KIF26B: variants seen among roughly 807,000 people sequenced by gnomAD.
KIF26B encodes kinesin family member 26B, also known as kinesin-like protein KIF26B.
In KIF26B, 63 loss-of-function variants were observed where a neutral mutation model predicts 151.2. That is an observed-to-expected ratio of 0.42 (90% CI 0.34 to 0.51). The LOEUF is 0.51. Ranked by LOEUF, KIF26B falls within the 20% of genes least tolerant of loss-of-function variation. The pLI, the probability that KIF26B is intolerant of heterozygous loss-of-function variation, is 0.07. For missense variants in KIF26B, 2,813 were observed against 2,913.6 expected (o/e 0.97, Z 0.79); for synonymous variants, 1,357 against 1,262.1 (o/e 1.08, Z -1.59).
At chr1:245,380,571 T>C (rs1673383090) in intron 3 of KIF26B, among the ~76,000 whole-genome samples, 1 of 152,246 alleles carries the variant, frequency 6.6e-6, no homozygotes, top group African/African-American at 2.4e-5. Context: ...CCCTCAAGAA[T>C]TACAAATGAC....
intron 3 of KIF26B, among the ~76,000 whole-genome samples, chr1:245,397,318 C>G (rs1673872420): frequency 6.6e-6 from 1 of 151,984 alleles, no homozygotes; most frequent in South Asian, 2.1e-4. Flanking sequence ...TGGGTTCAAG[C>G]AATTCTCCTG....
chr1:245,310,068 A>T (rs1021362838), intron 2 of KIF26B, among the ~76,000 whole-genome samples: 1 of 147,754 alleles, frequency 6.8e-6, no homozygotes, highest in African/African-American at 2.5e-5. Context: ...TATATATTAT[A>T]TATAATATTT....
rs1297922440 is a variant in KIF26B at position 245,597,919 on chromosome 1, T to C, written c.1351-4658T>C. Among the ~76,000 whole-genome samples, 1 of 152,106 alleles carries C rather than the reference T, an allele frequency of 6.6e-6. No individual in the cohort carries two copies. Among genetic ancestry groups the C allele is most frequent in the African/African-American group, 2.4e-5 (1 of 41,444 alleles). ...GCTATCCTTTCTTCCGCTTGATCGA[T>C]TCAGCTATTGATACTGTGTGTGCTT... is the stretch of plus-strand genomic sequence containing the variant. On this transcript the variant is annotated intron_variant, in intron 5 of 14. Transcript: ENST00000407071. The surrounding 1 kb of genome is among the most constrained non-coding windows in gnomAD (Gnocchi z 4.6).
At chr1:245,301,234 A>G (rs962814988) in intron 2 of KIF26B, among the ~76,000 whole-genome samples, 13 of 152,188 alleles carry the variant, frequency 8.5e-5, no homozygotes, top group African/African-American at 3.1e-4. Flanking sequence ...TGCCGCATGC[A>G]GGAGTGGAGG....
At chr1:245,340,510 T>C (rs1184364184) in intron 2 of KIF26B, among the ~76,000 whole-genome samples, 1 of 152,140 alleles carries the variant, frequency 6.6e-6, no homozygotes, top group Non-Finnish European at 1.5e-5. Context: ...CTAGCCTTGC[T>C]TTTCTGCAGC....
At chr1:245,196,957 C>CGGTGTTT (rs1040354101) in intron 2 of KIF26B, among the ~76,000 whole-genome samples, 1 of 152,134 alleles carries the variant, frequency 6.6e-6, no homozygotes, top group Non-Finnish European at 1.5e-5. Context: ...ATAGCTCCTT[C>CGGTGTTT]GGTGTTTGGC....
intron 10 of KIF26B, among the ~76,000 whole-genome samples, chr1:245,659,652 G>A (rs1203940103): frequency 6.6e-6 from 1 of 152,084 alleles, no homozygotes; most frequent in East Asian, 1.9e-4. Context: ...TGCACCAGTA[G>A]GACAGAGGAA....
intron 3 of KIF26B, among the ~76,000 whole-genome samples, chr1:245,409,100 C>G (rs887007550): frequency 1.3e-5 from 2 of 152,156 alleles, no homozygotes; most frequent in Non-Finnish European, 2.9e-5. Context: ...AAAACACCCC[C>G]CAAAACATCA....
intron 4 of KIF26B, among the ~76,000 whole-genome samples, chr1:245,538,845 C>T (rs185144470): frequency 3.2e-4 from 49 of 152,110 alleles, no homozygotes; most frequent in Middle Eastern, 3.4e-3. Flanking sequence ...GAGGTGTGTG[C>T]GGGTGTTAGA....
At chr1:245,340,586 C>A (rs1315764894) in intron 2 of KIF26B, among the ~76,000 whole-genome samples, 1 of 152,156 alleles carries the variant, frequency 6.6e-6, no homozygotes, top group African/African-American at 2.4e-5. Context: ...TTCACTCATT[C>A]ATTTGTAGGC....
In KIF26B at chr1:245,675,307, T is replaced by C. The variant is rs552442110; in HGVS notation, c.2259-8926T>C. Among the ~76,000 whole-genome samples the C allele has an allele frequency of 5.3e-5, 8 of 152,350 alleles. No homozygotes were observed. In the East Asian group the frequency reaches 1.4e-3, roughly 26 times the overall value. ...TGATTGATTGATTTCCCATGTGGTCTAACTCAGTCTCCAGGTGGACTGGTA... is the reference window on the plus strand; with the variant it reads ...TGATTGATTGATTTCCCATGTGGTCCAACTCAGTCTCCAGGTGGACTGGTA... On this transcript the variant is annotated intron_variant, in intron 10 of 14. Transcript: ENST00000407071.
chr1:245,165,763 G>A (rs1668605470), intron 2 of KIF26B, among the ~76,000 whole-genome samples: 1 of 152,162 alleles, frequency 6.6e-6, no homozygotes, highest in African/African-American at 2.4e-5. Flanking sequence ...CAGGGCATAG[G>A]GGTGACAAAA....
intron 5 of KIF26B, among the ~76,000 whole-genome samples, chr1:245,581,926 GAGGAAGGA>G (rs141698408): frequency 7.9e-4 from 113 of 142,390 alleles, no homozygotes; most frequent in African/African-American, 2.5e-3. Context: ...AAGAGAGAAA[GAGGAAGGA>G]AGGAAGGAAG....
chr1:245,168,237 C>T (rs1307306244), intron 2 of KIF26B, among the ~76,000 whole-genome samples: 1 of 152,186 alleles, frequency 6.6e-6, no homozygotes, highest in African/African-American at 2.4e-5. Context: ...CTGTGGGCTG[C>T]CATGTTTGTG....
At chr1:245,287,472 T>G (rs1173979533) in intron 2 of KIF26B, among the ~76,000 whole-genome samples, 1 of 150,324 alleles carries the variant, frequency 6.7e-6, no homozygotes, top group East Asian at 2.0e-4. Flanking sequence ...GATCTGAGGG[T>G]CCCTGTGTGT....
intron 3 of KIF26B, among the ~76,000 whole-genome samples, chr1:245,374,328 G>A (rs1223530084): frequency 6.6e-6 from 1 of 151,034 alleles, no homozygotes; most frequent in African/African-American, 2.4e-5. Context: ...AAGTGCTGTT[G>A]TACTCAGAGG....
intron 4 of KIF26B, among the ~76,000 whole-genome samples, chr1:245,524,160 C>A (rs563515751): frequency 6.6e-6 from 1 of 152,238 alleles, no homozygotes; most frequent in African/African-American, 2.4e-5. Context: ...TTTATGGACG[C>A]TAAGGCAAAT....
At chr1:245,506,281 A>G (rs1460251297) in intron 4 of KIF26B, among the ~76,000 whole-genome samples, 1 of 152,306 alleles carries the variant, frequency 6.6e-6, no homozygotes, top group East Asian at 1.9e-4. Context: ...TGCAGACTAC[A>G]GTCATGGAAT....
chr1:245,485,529 GCC>G (rs1660263284), intron 4 of KIF26B, among the ~76,000 whole-genome samples: 1 of 151,772 alleles, frequency 6.6e-6, no homozygotes, highest in African/African-American at 2.4e-5. Context: ...GATTACAGGC[GCC>G]TGCCACCACT....
Sources: gnomAD v4.1 joint callset for allele counts (sites outside exome capture counted in the v4.1 genomes callset) on GRCh38, gnomAD v4.1.1 for gene constraint, Gnocchi (gnomAD v3.1) non-coding constraint, MANE v1.5 for transcripts, NCBI Gene and HGNC (gene_info 2026-07-23, HGNC 2026-07-21) for gene names.